The following CHAF1B variants were observed in gnomAD, a reference collection of about 807,000 sequenced individuals.
The protein encoded by CHAF1B is CAF-1 subunit B.
CHAF1B carries 10 observed loss-of-function variants against 60.7 expected under a neutral mutation model. The observed-to-expected ratio is 0.16, with a 90% CI of 0.10 to 0.28. The LOEUF is 0.28. Among genes scored for constraint, CHAF1B ranks in the 10% least tolerant of loss-of-function variants. The pLI, the probability that CHAF1B is intolerant of heterozygous loss-of-function variation, is 1.00. For synonymous variants in CHAF1B, 261 were observed against 266.1 expected, an observed-to-expected ratio of 0.98 and a Z score of 0.19; for missense variants, 558 against 708.4, an observed-to-expected ratio of 0.79 and a Z score of 2.41.
intron 11 of CHAF1B, 41 bp from the exon 12 acceptor site, chr21:36,412,843 G>C: frequency 1.3e-6 from 2 of 1,573,074 alleles, no homozygotes; most frequent in Non-Finnish European, 1.7e-6. Flanking sequence ...ATGTGAGAGT[G>C]TTGGTAAGGT....
At chr21:36,397,656 C>A in intron 6 of CHAF1B, 145 bp downstream of exon 6, 7 of 337,612 alleles carry the variant, frequency 2.1e-5, no homozygotes, top group Admixed American at 4.8e-5. Flanking sequence ...ATTCTTACAA[C>A]ATAATCAGAA....
chr21:36,397,249 T>C (rs545735961), intron 5 of CHAF1B, among the ~76,000 whole-genome samples, 166 bp from the exon 6 acceptor site: 3 of 152,286 alleles, frequency 2.0e-5, no homozygotes, highest in Admixed American at 2.0e-4. Flanking sequence ...GTCATCTTTG[T>C]GACCCCAGAG....
At chr21:36,402,932 C>T in intron 8 of CHAF1B, 81 bp downstream of exon 8, 3 of 1,161,466 alleles carry the variant, frequency 2.6e-6, no homozygotes, top group Non-Finnish European at 3.9e-6. Context: ...AGCTTATCAG[C>T]TCAGTGAATG....
intron 13 of CHAF1B, among the ~76,000 whole-genome samples, 175 bp downstream of exon 13, chr21:36,415,564 C>G (rs2086311835): frequency 6.6e-6 from 1 of 152,114 alleles, no homozygotes; most frequent in Admixed American, 6.6e-5. Flanking sequence ...CAGGGGGCAC[C>G]TGGCCAGTGA....
intron 3 of CHAF1B, among the ~76,000 whole-genome samples, chr21:36,389,408 T>C (rs117676932): frequency 0.031 from 4,667 of 151,990 alleles, 100 homozygotes; most frequent in Admixed American, 0.046. Flanking sequence ...GAGTTTGAGA[T>C]CAGCCTGGCC....
At chr21:36,395,600 A>AAAGTC (rs2086131535) in intron 5 of CHAF1B, among the ~76,000 whole-genome samples, 1 of 152,142 alleles carries the variant, frequency 6.6e-6, no homozygotes, top group Non-Finnish European at 1.5e-5. Context: ...AGTCACTTAT[A>AAAGTC]ATTTATAGGG....
intron 12 of CHAF1B, 56 bp downstream of exon 12, chr21:36,413,371 G>C: frequency 6.8e-7 from 1 of 1,478,678 alleles, no homozygotes; most frequent in East Asian, 2.3e-5. Context: ...AATGCAGACA[G>C]AACGCTCCCA....
At chr21:36,392,304 G>T (rs1016901976) in intron 4 of CHAF1B, among the ~76,000 whole-genome samples, 2 of 152,064 alleles carry the variant, frequency 1.3e-5, no homozygotes, top group African/African-American at 4.8e-5. Context: ...GAACAAAATG[G>T]AGTCTCCTAT....
At chr21:36,391,812 C>CAGCA in intron 4 of CHAF1B, 144 bp downstream of exon 4, 554 of 489,170 alleles carry the variant, frequency 1.1e-3, no homozygotes, top group South Asian at 3.9e-3. Flanking sequence ...GATCACAGTA[C>CAGCA]CCTGCAGCCT....
chr21:36,390,335 A>AAAG (rs1405962656), intron 3 of CHAF1B, among the ~76,000 whole-genome samples: 1 of 142,732 alleles, frequency 7.0e-6, no homozygotes, highest in Non-Finnish European at 1.5e-5. Flanking sequence ...CACCATCTCA[A>AAAG]AAAAAAAAAA....
chr21:36,409,769 A>T (rs946176676), intron 10 of CHAF1B, among the ~76,000 whole-genome samples: 3 of 151,550 alleles, frequency 2.0e-5, no homozygotes, highest in African/African-American at 7.3e-5. Context: ...AAATGCTGGG[A>T]TTACAGGTGT....
intron 8 of CHAF1B, among the ~76,000 whole-genome samples, chr21:36,408,490 C>T (rs545170876): frequency 1.4e-4 from 22 of 152,200 alleles, no homozygotes; most frequent in Non-Finnish European, 2.6e-4. Context: ...CAAAGGCTCA[C>T]TATGTTCTCC....
At chr21:36,385,979 C>A in intron 1 of CHAF1B, 81 bp from the exon 2 acceptor site, 3 of 749,472 alleles carry the variant, frequency 4.0e-6, no homozygotes, top group Non-Finnish European at 4.4e-6. Flanking sequence ...ATGCAGTGTG[C>A]ATTTTAAATG....
rs112100545 is a variant in CHAF1B, at chr21:36,418,554, C to G, written c.*2188C>G. On this transcript the variant is annotated 3_prime_UTR_variant, in exon 14 of 14. Coordinates refer to ENST00000314103, the MANE Select transcript of CHAF1B (RefSeq NM_005441.3). Reference sequence around the variant, plus strand: ...CTTCCTGGCCATACCTGGGGAGGAACAGTATTAGGTTTTTCTGGGTGTGGT... The same window carrying G: ...CTTCCTGGCCATACCTGGGGAGGAAGAGTATTAGGTTTTTCTGGGTGTGGT... 7.2e-4 allele frequency: 110 copies of G among 152,210 alleles called. 1 individual carries two copies. Among genetic ancestry groups the G allele is most frequent in the Middle Eastern group, 6.8e-3 (2 of 296 alleles). 9.4% of individuals were successfully genotyped at this position (152,210 alleles called of 1,614,324 possible).
intron 8 of CHAF1B, among the ~76,000 whole-genome samples, chr21:36,407,610 A>C (rs146284348): frequency 4.6e-5 from 7 of 152,290 alleles, no homozygotes; most frequent in African/African-American, 1.7e-4. Flanking sequence ...GTGAGCATGG[A>C]GGAAATATAC....
chr21:36,405,096 A>C (rs1308935964), intron 8 of CHAF1B, among the ~76,000 whole-genome samples: 5 of 152,226 alleles, frequency 3.3e-5, no homozygotes, highest in Middle Eastern at 3.4e-3. Flanking sequence ...AAATATTTTC[A>C]ATTAAAATCA....
chr21:36,386,033 T>C lies in CHAF1B; in HGVS notation c.-77-27T>C. ...GCGCTCAATAACCCTTTGCTGCTGT[T>C]AACACTGTTGTTTAATCCATCACCA... On this transcript the variant is annotated intron_variant, in intron 1 of 13. Coordinates refer to ENST00000314103, the MANE Select transcript of CHAF1B (RefSeq NM_005441.3). 4 of 1,429,652 alleles carry C rather than the reference T, an allele frequency of 2.8e-6. 1 individual carries two copies. Among genetic ancestry groups the C allele is most frequent in the Middle Eastern group, 3.9e-4 (2 of 5,172 alleles). The allele number at this position is 1,429,652 out of a possible 1,614,324, so 88.6% of individuals were successfully genotyped here. A position where few individuals can be genotyped will look rare whatever the true frequency, so the allele number is the denominator to read the frequency against.
Position 36,412,880 on chromosome 21 carries a change from G to A in CHAF1B, c.1062-4G>A, listed in dbSNP as rs375351314. On this transcript the variant is annotated splice_region_variant and splice_polypyrimidine_tract_variant and intron_variant, in intron 11 of 13. Coordinates refer to ENST00000314103, the MANE Select transcript of CHAF1B (RefSeq NM_005441.3). ...TGTAACTTTTCCCTGTTTTGGGGAC[G>A]AAGGTCCAGCGATGGTGCCTTCCTG... 35 of 1,610,154 alleles carry A rather than the reference G, an allele frequency of 2.2e-5. No individual in the cohort carries two copies. The highest frequency in any genetic ancestry group is 2.9e-5 in the Non-Finnish European group (34 of 1,177,994).
chr21:36,386,407 G>T (rs1424061767), intron 2 of CHAF1B, 145 bp downstream of exon 2: 6 of 1,004,000 alleles, frequency 6.0e-6, no homozygotes, highest in Non-Finnish European at 8.6e-6. Flanking sequence ...AGGATCGCTT[G>T]AGTCCAGGAG....
Sources: allele counts gnomAD v4.1 joint callset (sites outside exome capture counted in the v4.1 genomes callset), GRCh38; gene constraint gnomAD v4.1.1; transcripts MANE v1.5; gene names NCBI Gene and HGNC (gene_info 2026-07-23, HGNC 2026-07-21).